Variants in PPP2R3B observed in about 807,000 individuals in gnomAD.
PPP2R3B encodes protein phosphatase 2 regulatory subunit B''beta, also known as serine/threonine-protein phosphatase 2A regulatory subunit B'' subunit beta.
PPP2R3B carries 68 observed loss-of-function variants against 72.9 expected under a neutral mutation model. The observed-to-expected ratio is 0.93, with a 90% CI of 0.77 to 1.14. The LOEUF (loss-of-function observed/expected upper bound fraction) is 1.14, where lower values mean the gene tolerates loss of function less well. Among genes scored for constraint, PPP2R3B ranks in the 50% most tolerant of loss-of-function variants. The pLI, the probability that PPP2R3B is intolerant of heterozygous loss-of-function variation, is 0.00. For synonymous variants in PPP2R3B, 466 were observed against 375.8 expected (o/e 1.24, Z -2.78); for missense variants, 1,018 against 842.0 (o/e 1.21, Z -2.59).
At chrX:380,568 C>A (rs1171701019) in intron 1 of PPP2R3B, among the ~76,000 whole-genome samples, 2 of 151,974 alleles carry the variant, frequency 1.3e-5, no homozygotes, top group South Asian at 4.2e-4. Flanking sequence ...GGTGGATCAC[C>A]TGAGGTCAGG....
intron 5 of PPP2R3B, 51 bp from the exon 6 acceptor site, chrX:346,311 C>G: frequency 6.6e-7 from 1 of 1,514,532 alleles, no homozygotes; most frequent in Non-Finnish European, 8.9e-7. Context: ...CCAGGAGCCT[C>G]GCCCCGCACG....
intron 7 of PPP2R3B, among the ~76,000 whole-genome samples, chrX:344,217 T>G (rs149028920): frequency 0.39 from 7,307 of 18,548 alleles, 1,796 homozygotes; most frequent in Middle Eastern, 0.5. Context: ...GGAGGCGGGA[T>G]TGAGACCTCA....
Position 340,776 on chromosome X carries a change from G to C in PPP2R3B, c.1340C>G (p.Pro447Arg). The C allele has an allele frequency of 6.2e-7, 1 of 1,611,006 alleles. No homozygotes were observed. Among genetic ancestry groups the C allele is most frequent in the Non-Finnish European group, 8.5e-7 (1 of 1,179,230 alleles). ...CLCQMLDLVK[P>R]RTEGKITLQD... The stretch of plus-strand genomic sequence containing the variant: ...TCACGGGGCATCACCTTCAGTCCTC[G>C]GCTTGACCAGGTCCAGCATCTGGCA... Residue 447 changes from proline to arginine, a missense_variant, in exon 10 of 13, where the codon CCG becomes CGG. Transcript: ENST00000390665.
At chrX:345,396 A>T in intron 7 of PPP2R3B, 120 bp downstream of exon 7, 1 of 1,337,516 alleles carries the variant, frequency 7.5e-7, no homozygotes, top group Middle Eastern at 2.0e-4. Context: ...TGCGAAGGAG[A>T]GGCAGCTGCA....
At chrX:346,434 G>C in intron 5 of PPP2R3B, 174 bp from the exon 6 acceptor site, 1 of 671,644 alleles carries the variant, frequency 1.5e-6, no homozygotes, top group Non-Finnish European at 2.4e-6. Context: ...CCAGGCCGCG[G>C]AAAGCGGGGA....
At chrX:362,520 C>T (rs970636803) in intron 1 of PPP2R3B, among the ~76,000 whole-genome samples, 2 of 151,334 alleles carry the variant, frequency 1.3e-5, no homozygotes, top group African/African-American at 4.9e-5. Context: ...GCTTCGTCCT[C>T]CCCCATCAAC....
chrX:341,439 G>C, intron 8 of PPP2R3B, 43 bp from the exon 9 acceptor site: 9 of 1,600,520 alleles, frequency 5.6e-6, no homozygotes, highest in Non-Finnish European at 6.0e-6. Context: ...TGCATGTCAG[G>C]GAGAGCTTCA....
At chrX:376,216 A>C (rs989123206) in intron 1 of PPP2R3B, among the ~76,000 whole-genome samples, 1 of 150,844 alleles carries the variant, frequency 6.6e-6, no homozygotes, top group East Asian at 1.9e-4. Context: ...AAAAAAAAAG[A>C]CTTTTGGAAA....
chrX:354,210 G>A (rs112981419), intron 2 of PPP2R3B, among the ~76,000 whole-genome samples: 6 of 140,304 alleles, frequency 4.3e-5, no homozygotes, highest in South Asian at 2.4e-4. Flanking sequence ...CCCAGGGACC[G>A]GGGGCTCACC....
chrX:379,192 T>C (rs1020311750), intron 1 of PPP2R3B, among the ~76,000 whole-genome samples: 82 of 151,806 alleles, frequency 5.4e-4, no homozygotes, highest in South Asian at 6.2e-4. Context: ...TATGTATGTG[T>C]GTATGCGTGT....
intron 2 of PPP2R3B, among the ~76,000 whole-genome samples, chrX:359,525 C>G (rs1027419340): frequency 3.3e-5 from 5 of 152,182 alleles, no homozygotes; most frequent in African/African-American, 1.2e-4. Context: ...TTGCAACCGA[C>G]TGTAAGAAAG....
At chrX:348,581 A>AAAAAAAAAAAAAAAAAAAAAAG (rs111787156) in intron 2 of PPP2R3B, among the ~76,000 whole-genome samples, 1 of 144,380 alleles carries the variant, frequency 6.9e-6, no homozygotes, top group African/African-American at 2.6e-5. Context: ...GTCTCAAAAA[A>AAAAAAAAAAAAAAAAAAAAAAG]AGAGCAAATA....
At chrX:346,038 TGGAGG>T in intron 6 of PPP2R3B, 131 bp downstream of exon 6, 1 of 389,622 alleles carries the variant, frequency 2.6e-6, no homozygotes, top group Non-Finnish European at 4.7e-6. Context: ...GGGAGCGCGG[TGGAGG>T]TGGGGGTGGG....
intron 1 of PPP2R3B, among the ~76,000 whole-genome samples, chrX:363,719 C>G (rs1479329119): frequency 6.6e-6 from 1 of 152,120 alleles, no homozygotes; most frequent in Non-Finnish European, 1.5e-5. Context: ...CCCGAGCCCA[C>G]AACGCATTCC....
chrX:376,198 GAAAAAAA>G, intron 1 of PPP2R3B, among the ~76,000 whole-genome samples: 1 of 115,812 alleles, frequency 8.6e-6, no homozygotes, highest in Admixed American at 8.8e-5. Flanking sequence ...TCTCAAAAAG[GAAAAAAA>G]AAAAAAAAAG....
chrX:386,518 C>T lies in PPP2R3B; in HGVS notation c.174G>A (p.Trp58Ter). The change falls in exon 1 of 13, where the codon TGG (tryptophan) becomes TGA (stop). Residue 58 changes from tryptophan (W) to a stop codon, truncating the protein, a stop_gained. Coordinates refer to ENST00000390665, the MANE Select transcript of PPP2R3B (RefSeq NM_013239.5). LOFTEE classifies it high-confidence loss of function. The stretch of plus-strand genomic sequence containing the variant: ...GGGGGGCGGCGAGCGGGGCTGTGGG[C>T]CAGGCCCCGGGCTGCTCCCCGTCCC... ...TPGDGEQPGA[W>*]PTAPLAAPRP... 1.5e-6 allele frequency: 2 copies of T among 1,362,052 alleles called. No homozygotes were observed. Among genetic ancestry groups the T allele is most frequent in the South Asian group, 1.7e-5 (1 of 57,920 alleles). 84.4% of individuals were successfully genotyped at this position (1,362,052 alleles called of 1,614,324 possible).
At chrX:356,109 C>T (rs1226419266) in intron 2 of PPP2R3B, among the ~76,000 whole-genome samples, 4 of 152,360 alleles carry the variant, frequency 2.6e-5, no homozygotes, top group East Asian at 1.9e-4. Context: ...CGCCTGCACA[C>T]GCACAGAACG....
At chrX:376,338 T>C (rs2071992872) in intron 1 of PPP2R3B, among the ~76,000 whole-genome samples, 1 of 152,046 alleles carries the variant, frequency 6.6e-6, no homozygotes, top group Non-Finnish European at 1.5e-5. Context: ...CCTTGCGTCC[T>C]GTCCCGATGC....
Position 345,120 on chromosome X carries a change from G to T in PPP2R3B, c.1036+396C>A, listed in dbSNP as rs182901852. 221 of 488,256 alleles carry T rather than the reference G, an allele frequency of 4.5e-4. 3 individuals are homozygous for T. Among genetic ancestry groups the T allele is most frequent in the African/African-American group, 4.0e-3 (207 of 51,500 alleles). The allele number at this position is 488,256 out of a possible 1,614,324, so 30.2% of individuals were successfully genotyped here. ...TAAGCCTGGGGCTCCACCTAGCCCG[G>T]GATTGGATGGAAACTGCTCCAGGCC... On this transcript the variant is annotated intron_variant, in intron 7 of 12. Transcript: ENST00000390665.
Sources: allele counts gnomAD v4.1 joint callset (sites outside exome capture counted in the v4.1 genomes callset), GRCh38; gene constraint gnomAD v4.1.1; transcripts MANE v1.5; gene names NCBI Gene and HGNC (gene_info 2026-07-23, HGNC 2026-07-21).